The following IQGAP2 variants were observed in gnomAD, a reference collection of about 807,000 sequenced individuals.
IQGAP2 encodes the protein ras GTPase-activating-like protein IQGAP2.
In IQGAP2, 173 loss-of-function variants were observed where a neutral mutation model predicts 201.3. The observed-to-expected ratio is 0.86, with a 90% confidence interval of 0.76 to 0.98. IQGAP2 has a LOEUF of 0.98. Ranked by LOEUF, IQGAP2 falls within the 50% of genes least tolerant of loss-of-function variation. The probability of loss-of-function intolerance (pLI) is 0.00; values close to 1 mark genes in which losing one functional copy is unlikely to be tolerated. For missense variants in IQGAP2, 1,687 were observed against 1,864.8 expected, an observed-to-expected ratio of 0.90 and a Z score of 1.76; for synonymous variants, 675 against 673.9, an observed-to-expected ratio of 1.00 and a Z score of -0.03.
At chr5:76,595,242 G>C (rs1167775987) in intron 9 of IQGAP2, among the ~76,000 whole-genome samples, 1 of 54,646 alleles carries the variant, frequency 1.8e-5, no homozygotes, top group Admixed American at 1.8e-4. Context: ...GCATTTCTTT[G>C]CTTTTTTTTT....
chr5:76,407,821 G>A (rs1247911945), intron 1 of IQGAP2, among the ~76,000 whole-genome samples: 1 of 152,108 alleles, frequency 6.6e-6, no homozygotes, highest in East Asian at 1.9e-4. Context: ...TACTACACAA[G>A]CTTTTTAACA....
At chr5:76,460,498 A>T (rs1238645293) in intron 1 of IQGAP2, among the ~76,000 whole-genome samples, 1 of 152,080 alleles carries the variant, frequency 6.6e-6, no homozygotes, top group South Asian at 2.1e-4. Context: ...TCTGTTGGCC[A>T]TGGGGAGAAT....
At chr5:76,522,717 A>G (rs1758759597) in intron 2 of IQGAP2, among the ~76,000 whole-genome samples, 1 of 152,186 alleles carries the variant, frequency 6.6e-6, no homozygotes, top group Admixed American at 6.5e-5. Context: ...ATGTACCTTG[A>G]TAGAGCAGAG....
chr5:76,693,275 G>A, intron 30 of IQGAP2, 80 bp from the exon 31 acceptor site: 2 of 831,692 alleles, frequency 2.4e-6, no homozygotes, highest in East Asian at 2.6e-5. Flanking sequence ...GTATGTGTTT[G>A]TGCACTCTCT....
intron 1 of IQGAP2, among the ~76,000 whole-genome samples, chr5:76,410,249 G>A (rs1290647872): frequency 1.3e-5 from 2 of 152,180 alleles, no homozygotes; most frequent in Non-Finnish European, 1.5e-5. Context: ...AAATGACCTT[G>A]AGGAAGGTCA....
intron 2 of IQGAP2, among the ~76,000 whole-genome samples, chr5:76,494,909 T>C (rs1416679182): frequency 6.6e-6 from 1 of 152,202 alleles, no homozygotes; most frequent in Non-Finnish European, 1.5e-5. Context: ...CTTTCAAAAG[T>C]GAATTGGGAC....
chr5:76,550,924 G>A (rs1339835347), intron 2 of IQGAP2, among the ~76,000 whole-genome samples: 12 of 151,906 alleles, frequency 7.9e-5, no homozygotes, highest in African/African-American at 2.4e-4. Flanking sequence ...CCCACACGGG[G>A]CGGCCAGGCA....
At position 76,444,778 on chromosome 5, in the gene IQGAP2, G is replaced by C. The variant is rs551583395; in HGVS notation, c.47-16792G>C. 2.0e-5 allele frequency among the ~76,000 whole-genome samples: 3 copies of C among 152,324 alleles called. No individual in the cohort carries two copies. The South Asian group carries it at 6.2e-4, about 32-fold the overall frequency. On this transcript the variant is annotated intron_variant, in intron 1 of 35. Transcript: ENST00000274364. ...CAGAAAAGATAAATGACTTGCTCAA[G>C]ATGGTTCCTGCCAAATCTAGAACCT... is the stretch of plus-strand genomic sequence containing the variant.
chr5:76,662,696 T>A (rs531892830), intron 21 of IQGAP2, among the ~76,000 whole-genome samples: 1 of 152,350 alleles, frequency 6.6e-6, no homozygotes, highest in African/African-American at 2.4e-5. Flanking sequence ...GTCTTAGGAC[T>A]TCTTATAGAT....
chr5:76,484,210 A>C (rs1755972533), intron 2 of IQGAP2, among the ~76,000 whole-genome samples: 1 of 151,414 alleles, frequency 6.6e-6, no homozygotes, highest in South Asian at 2.1e-4. Context: ...ACTTCAAAGA[A>C]CTCAAAATAG....
rs756532259 is a variant in IQGAP2, at chr5:76,698,132, A to G, written c.4352A>G (p.Asp1451Gly). The G allele has an allele frequency of 3.1e-6, 5 of 1,589,036 alleles. No homozygotes were observed. In the African/African-American group the frequency reaches 6.8e-5, roughly 21 times the overall value. ...YYDTYIKTCL[D>G]NLKRKNTRRS... ...GACACCTACATAAAGACTTGTTTAG[A>G]CAACTTAAAAAGAAAGTAAGTTAAA... is the stretch of plus-strand genomic sequence containing the variant. Residue 1451 changes from aspartate (D) to glycine (G), a missense_variant, in exon 33 of 36, where the codon GAC (aspartate) becomes GGC (glycine). Asp to Gly is a moderately conservative substitution (Grantham distance 94). Transcript: ENST00000274364.
At chr5:76,529,811 G>A (rs1759186071) in intron 2 of IQGAP2, among the ~76,000 whole-genome samples, 1 of 152,120 alleles carries the variant, frequency 6.6e-6, no homozygotes, top group African/African-American at 2.4e-5. Context: ...TTAGAATTAT[G>A]TATTTATCAG....
chr5:76,670,043 G>T (rs928367921), intron 23 of IQGAP2, among the ~76,000 whole-genome samples: 1 of 152,034 alleles, frequency 6.6e-6, no homozygotes, highest in African/African-American at 2.4e-5. Context: ...GGCTGGTCTC[G>T]AACTCCTGAC....
intron 2 of IQGAP2, among the ~76,000 whole-genome samples, chr5:76,551,337 G>A (rs1580437333): frequency 6.6e-6 from 1 of 151,408 alleles, no homozygotes; most frequent in Non-Finnish European, 1.5e-5. Context: ...TAGATGGGAT[G>A]GCAGCTGGGA....
At chr5:76,668,464 G>A (rs917048648) in intron 22 of IQGAP2, among the ~76,000 whole-genome samples, 7 of 151,552 alleles carry the variant, frequency 4.6e-5, no homozygotes, top group Non-Finnish European at 1.0e-4. Flanking sequence ...TATAATATCA[G>A]TCTATAGGAA....
At position 76,660,576 on chromosome 5, in the gene IQGAP2, T is replaced by C. The variant is rs1743161207; in HGVS notation, c.2529+1909T>C. Reference sequence around the variant, plus strand: ...AAATCAGTACATAGTTTAAATAATATGTATCTTTTGGAAACACAATCATGG... The same window carrying C: ...AAATCAGTACATAGTTTAAATAATACGTATCTTTTGGAAACACAATCATGG... On this transcript the variant is annotated intron_variant, in intron 21 of 35. Transcript: ENST00000274364. Among the ~76,000 whole-genome samples the C allele has an allele frequency of 3.9e-5, 6 of 152,354 alleles. No homozygotes were observed. In the South Asian group the frequency reaches 1.0e-3, roughly 26 times the overall value.
chr5:76,667,693 T>C (rs1044973979), intron 22 of IQGAP2, among the ~76,000 whole-genome samples: 1 of 152,096 alleles, frequency 6.6e-6, no homozygotes, highest in Non-Finnish European at 1.5e-5. Flanking sequence ...TTCACCCCTC[T>C]CTTCAGCCTC....
At chr5:76,504,974 G>GA (rs1757523118) in intron 2 of IQGAP2, among the ~76,000 whole-genome samples, 1 of 152,056 alleles carries the variant, frequency 6.6e-6, no homozygotes, top group East Asian at 1.9e-4. Context: ...CCCACTTGCT[G>GA]AAATCCACCC....
intron 9 of IQGAP2, among the ~76,000 whole-genome samples, chr5:76,594,530 T>G (rs1746879644): frequency 6.6e-6 from 1 of 152,206 alleles, no homozygotes; most frequent in Admixed American, 6.5e-5. Flanking sequence ...TTTGATGGCT[T>G]TAAATGTGTA....
Sources: gnomAD v4.1 joint callset for allele counts (sites outside exome capture counted in the v4.1 genomes callset) on GRCh38, gnomAD v4.1.1 for gene constraint, MANE v1.5 for transcripts, NCBI Gene and HGNC (gene_info 2026-07-23, HGNC 2026-07-21) for gene names.